Variants in NME8 observed in about 807,000 individuals in gnomAD.
NME8 encodes the protein protein NME8.
In NME8, 72 loss-of-function variants were observed where a neutral mutation model predicts 82.3. The observed-to-expected ratio is 0.87, with a 90% CI of 0.72 to 1.06. The LOEUF (loss-of-function observed/expected upper bound fraction) is 1.06, where lower values mean the gene tolerates loss of function less well. NME8 is among the 50% of genes least tolerant of loss of function. NME8 has a pLI of 0.00. For synonymous variants in NME8, 267 were observed against 228.5 expected, an observed-to-expected ratio of 1.17 and a Z score of -1.52; for missense variants, 712 against 685.4, an observed-to-expected ratio of 1.04 and a Z score of -0.43.
chr7:37,863,560 G>A (rs767812228), intron 8 of NME8, 98 bp downstream of exon 8: 10 of 762,212 alleles, frequency 1.3e-5, no homozygotes, highest in East Asian at 2.5e-5. Flanking sequence ...ACAAATCCAT[G>A]TTTATTAAGG....
At position 37,850,260 on chromosome 7, in the gene NME8, T is replaced by C. The variant is rs768545346; in HGVS notation, c.-7T>C. On this transcript the variant is annotated splice_region_variant and 5_prime_UTR_variant, in exon 3 of 18. Transcript: ENST00000199447. ...TTTTTCTTTCTTTTTCCTATGATAG[T>C]AGATAAATGGCAAGCAAAAAACGAG... The C allele has an allele frequency of 2.5e-6, 4 of 1,613,516 alleles. No homozygotes were observed. Among genetic ancestry groups the C allele is most frequent in the Admixed American group, 1.7e-5 (1 of 60,004 alleles).
At position 37,896,990 on chromosome 7, in the gene NME8, G is replaced by T. The variant is rs1470310487; in HGVS notation, c.1665G>T (p.Gln555His). The change falls in exon 17 of 18, where the codon CAG becomes CAT. Residue 555 changes from glutamine (Q) to histidine (H), a missense_variant. Gln to His is a conservative substitution (Grantham distance 24, BLOSUM62 0). Coordinates refer to ENST00000199447, the MANE Select transcript of NME8 (RefSeq NM_016616.5). ...KLLSPDSIRA[Q>H]FGISKLKNIV... Reference sequence around the variant, plus strand: ...TTTCCCCTGACTCCATCCGAGCCCAGTTTGGAATAAGTAAATTGAAAAACA... The same window carrying T: ...TTTCCCCTGACTCCATCCGAGCCCATTTTGGAATAAGTAAATTGAAAAACA... The T allele has an allele frequency of 1.2e-6, 2 of 1,613,892 alleles. No homozygotes were observed. Among genetic ancestry groups the T allele is most frequent in the South Asian group, 1.1e-5 (1 of 91,080 alleles).
chr7:37,874,234 A>G (rs1474627054), intron 11 of NME8, among the ~76,000 whole-genome samples: 1 of 152,220 alleles, frequency 6.6e-6, no homozygotes, highest in East Asian at 1.9e-4. Flanking sequence ...CATACAGTCC[A>G]TAATTCTGGG....
intron 11 of NME8, among the ~76,000 whole-genome samples, chr7:37,874,891 T>C (rs1784822669): frequency 6.6e-6 from 1 of 152,222 alleles, no homozygotes. Context: ...GGGAAAATTG[T>C]AGCTTTTCAG....
At chr7:37,864,131 CT>C (rs1334661033) in intron 8 of NME8, among the ~76,000 whole-genome samples, 1 of 152,152 alleles carries the variant, frequency 6.6e-6, no homozygotes, top group African/African-American at 2.4e-5. Flanking sequence ...ATTAAAAACT[CT>C]TGTAAATGTT....
chr7:37,876,102 G>A (rs1784844376), intron 11 of NME8, among the ~76,000 whole-genome samples: 1 of 113,688 alleles, frequency 8.8e-6, no homozygotes, highest in African/African-American at 3.0e-5. Context: ...CCAGCTACTC[G>A]GGAGGCGAGG....
chr7:37,893,140 T>C lies in NME8; in HGVS notation c.1400-1326T>C, dbSNP rs139178224. On this transcript the variant is annotated intron_variant, in intron 15 of 17. Coordinates refer to ENST00000199447, the MANE Select transcript of NME8 (RefSeq NM_016616.5). ...GAATCTGTCTCACTACCTACAGTAC[T>C]CTCTGTTTGTCTTGAACGTTAACCT... Among the ~76,000 whole-genome samples the C allele has an allele frequency of 7.2e-3, 1,093 of 152,212 alleles. 5 individuals carry two copies. The highest frequency in any genetic ancestry group is 0.013 in the Non-Finnish European group (851 of 67,992).
intron 16 of NME8, among the ~76,000 whole-genome samples, chr7:37,896,053 G>A (rs74946350): frequency 0.025 from 3,843 of 152,020 alleles, 124 homozygotes; most frequent in East Asian, 0.18. Flanking sequence ...ACACACACAC[G>A]TGTGTATAAA....
intron 12 of NME8, 150 bp from the exon 13 acceptor site, chr7:37,884,153 A>G: frequency 1.6e-6 from 1 of 620,024 alleles, no homozygotes. Context: ...TTCACCTTAA[A>G]TTAAAACCTA....
At position 37,850,434 on chromosome 7, in the gene NME8, A is replaced by G. The variant is rs778952400; in HGVS notation, c.90A>G (p.Thr30=). 1.2e-6 allele frequency: 2 copies of G among 1,614,110 alleles called. No homozygotes were observed. The highest frequency in any genetic ancestry group is 1.7e-4 in the Middle Eastern group (1 of 6,058). ...AGATGTTGCAGAACAAAGGCTTAAC[A>G]GGTATAAGGACTCCCCGGCTGTCTG... is the stretch of plus-strand genomic sequence containing the variant. ...WDEMLQNKGL[T]VIDVYQAWCG... Residue 30 remains threonine (T), a splice_region_variant and synonymous_variant, in exon 4 of 18, where the codon ACA becomes ACG. Transcript: ENST00000199447.
At chr7:37,856,126 G>T (rs1784507957) in intron 5 of NME8, among the ~76,000 whole-genome samples, 1 of 152,124 alleles carries the variant, frequency 6.6e-6, no homozygotes, top group Non-Finnish European at 1.5e-5. Flanking sequence ...ATCTCAAGGT[G>T]TTAGTCAAGG....
chr7:37,872,689 A>G lies in NME8; in HGVS notation c.819-4143A>G, dbSNP rs377216747. On this transcript the variant is annotated intron_variant, in intron 11 of 17. Transcript: ENST00000199447. ...TACACACAAAAAATTAGACAGGATG[A>G]GAGCAGAAGTCTGCAATCTGGATAA... 1.2e-4 allele frequency among the ~76,000 whole-genome samples: 18 copies of G among 152,344 alleles called. No homozygotes were observed. The South Asian group carries it at 3.3e-3, about 28-fold the overall frequency.
chr7:37,864,293 T>G, intron 8 of NME8, 55 bp from the exon 9 acceptor site: 1 of 1,547,988 alleles, frequency 6.5e-7, no homozygotes, highest in Non-Finnish European at 8.8e-7. Context: ...TCCTTCATTA[T>G]CCAGACTTCG....
At chr7:37,879,263 C>T (rs185937460) in intron 12 of NME8, among the ~76,000 whole-genome samples, 3 of 152,120 alleles carry the variant, frequency 2.0e-5, no homozygotes, top group Non-Finnish European at 2.9e-5. Context: ...ATTCTCCTGC[C>T]TCAGTCTCCC....
chr7:37,891,079 A>C (rs1225240051), intron 15 of NME8, among the ~76,000 whole-genome samples: 2 of 151,952 alleles, frequency 1.3e-5, no homozygotes, highest in African/African-American at 2.4e-5. Flanking sequence ...CTTCTGAGAA[A>C]TGTCCATTCA....
rs1785008096 is a variant in NME8, at chr7:37,884,299, T to G, written c.995-4T>G. ...AAACTTATTATGTAACTGTTTTTAT[T>G]TAGATGATGTTTTGCGTATTATTAA... On this transcript the variant is annotated splice_polypyrimidine_tract_variant and splice_region_variant and intron_variant, in intron 12 of 17. Coordinates refer to ENST00000199447, the MANE Select transcript of NME8 (RefSeq NM_016616.5). The G allele has an allele frequency of 1.3e-6, 2 of 1,554,046 alleles. No homozygotes were observed. Among genetic ancestry groups the G allele is most frequent in the African/African-American group, 2.7e-5 (2 of 73,696 alleles).
chr7:37,865,423 A>G, intron 9 of NME8, 102 bp from the exon 10 acceptor site: 1 of 773,610 alleles, frequency 1.3e-6, no homozygotes, highest in Middle Eastern at 2.3e-4. Flanking sequence ...CTTATAGAAA[A>G]TGTATTGAAA....
At chr7:37,871,152 C>G (rs145592096) in intron 11 of NME8, among the ~76,000 whole-genome samples, 1 of 152,152 alleles carries the variant, frequency 6.6e-6, no homozygotes, top group Non-Finnish European at 1.5e-5. Context: ...GACCCCTCTG[C>G]GTACAGAGCA....
rs564332700 is a variant in NME8 at position 37,896,900 on chromosome 7, G to A, written c.1575G>A (p.Lys525=). The A allele has an allele frequency of 4.3e-6, 7 of 1,613,874 alleles. No homozygotes were observed. In the South Asian group the frequency reaches 4.4e-5, roughly 10 times the overall value. ...CATCTATGGTCATGATTCTGACCAA[G>A]TGGAATGCTGTTGCAGAATGGAGAC... ...VGPSMVMILT[K]WNAVAEWRRL... is the part of the protein sequence containing the mutation. Residue 525 remains lysine, a synonymous_variant, in exon 17 of 18, where the codon AAG becomes AAA. Coordinates refer to ENST00000199447, the MANE Select transcript of NME8 (RefSeq NM_016616.5).
Sources: allele counts gnomAD v4.1 joint callset (sites outside exome capture counted in the v4.1 genomes callset), GRCh38; gene constraint gnomAD v4.1.1; transcripts MANE v1.5; gene names NCBI Gene and HGNC (gene_info 2026-07-23, HGNC 2026-07-21).